Variants in USH2A observed in about 807,000 individuals in gnomAD.
USH2A encodes usherin, also known as Usher syndrome 2A (autosomal recessive, mild).
Under a neutral mutation model 538.9 loss-of-function variants are expected in USH2A, and 443 were observed. The observed-to-expected ratio is 0.82, with a 90% CI of 0.76 to 0.89. The LOEUF (loss-of-function observed/expected upper bound fraction) is 0.89. Among genes scored for constraint, USH2A ranks in the 40% least tolerant of loss-of-function variants. The pLI is 0.00. For missense variants in USH2A, 6,633 were observed against 6,324.8 expected (o/e 1.05, Z -1.65); for synonymous variants, 2,413 against 2,273.5 (o/e 1.06, Z -1.75).
chr1:215,724,721 C>T (rs899163246), intron 61 of USH2A, among the ~76,000 whole-genome samples: 3 of 152,096 alleles, frequency 2.0e-5, no homozygotes, highest in East Asian at 1.9e-4. Flanking sequence ...TGCCTCAGAA[C>T]GAATCACTCA....
intron 35 of USH2A, among the ~76,000 whole-genome samples, chr1:215,991,410 C>A (rs965405766): frequency 6.6e-6 from 1 of 151,818 alleles, no homozygotes; most frequent in Non-Finnish European, 1.5e-5. Flanking sequence ...CCTCTCTAGA[C>A]AATCAACAAG....
intron 11 of USH2A, among the ~76,000 whole-genome samples, chr1:216,267,176 C>A (rs574324238): frequency 6.6e-6 from 1 of 152,032 alleles, no homozygotes. Flanking sequence ...GGAGGAAAAC[C>A]CGGAGAATGT....
intron 20 of USH2A, among the ~76,000 whole-genome samples, chr1:216,186,682 C>T (rs572345475): frequency 6.6e-6 from 1 of 152,000 alleles, no homozygotes; most frequent in Non-Finnish European, 1.5e-5. Flanking sequence ...GCAATTTCTG[C>T]TCCTGGATGG....
chr1:216,261,218 C>A (rs757277570), intron 11 of USH2A, among the ~76,000 whole-genome samples: 10 of 151,730 alleles, frequency 6.6e-5, no homozygotes, highest in Non-Finnish European at 1.3e-4. Context: ...AATAAAATAT[C>A]TCTGTTATCC....
At chr1:216,073,899 G>C (rs909776503) in intron 27 of USH2A, among the ~76,000 whole-genome samples, 3 of 152,216 alleles carry the variant, frequency 2.0e-5, no homozygotes, top group Non-Finnish European at 2.9e-5. Flanking sequence ...GCCTACAGAA[G>C]AGCTGTCACT....
At chr1:215,655,722 AT>A (rs1657224342) in intron 64 of USH2A, among the ~76,000 whole-genome samples, 1 of 103,692 alleles carries the variant, frequency 9.6e-6, no homozygotes, top group African/African-American at 3.6e-5. Context: ...TGTGCTAGTT[AT>A]TCTTTTTTTT....
At chr1:216,370,905 C>T (rs1404835250) in intron 3 of USH2A, among the ~76,000 whole-genome samples, 1 of 152,116 alleles carries the variant, frequency 6.6e-6, no homozygotes, top group Non-Finnish European at 1.5e-5. Context: ...AGGTGACATC[C>T]CCTGTGTACT....
At chr1:215,682,461 T>C (rs948590628) in intron 61 of USH2A, among the ~76,000 whole-genome samples, 4 of 152,162 alleles carry the variant, frequency 2.6e-5, no homozygotes, top group Non-Finnish European at 1.5e-5. Context: ...ACATGAGTAC[T>C]TAATGATTAA....
intron 61 of USH2A, among the ~76,000 whole-genome samples, chr1:215,719,029 A>C (rs186772736): frequency 3.9e-5 from 6 of 152,366 alleles, no homozygotes; most frequent in Admixed American, 3.9e-4. Context: ...CAGGTCAAAC[A>C]GTCTCCCCAC....
At chr1:216,332,736 A>G (rs2037894720) in intron 4 of USH2A, among the ~76,000 whole-genome samples, 1 of 152,156 alleles carries the variant, frequency 6.6e-6, no homozygotes, top group Non-Finnish European at 1.5e-5. Context: ...TGAGCAAACA[A>G]TGACTTCATT....
At chr1:216,080,804 G>T (rs1022835871) in intron 26 of USH2A, among the ~76,000 whole-genome samples, 1 of 151,024 alleles carries the variant, frequency 6.6e-6, no homozygotes, top group Non-Finnish European at 1.5e-5. Context: ...CATGGTAATT[G>T]TTCATTTGTT....
intron 4 of USH2A, among the ~76,000 whole-genome samples, chr1:216,345,607 A>T (rs2038160073): frequency 6.6e-6 from 1 of 152,136 alleles, no homozygotes; most frequent in African/African-American, 2.4e-5. Context: ...ATTAATGTGA[A>T]AAAGGATTTG....
At chr1:216,259,153 C>T (rs540111809) in intron 11 of USH2A, among the ~76,000 whole-genome samples, 14 of 152,190 alleles carry the variant, frequency 9.2e-5, no homozygotes, top group African/African-American at 3.4e-4. Context: ...CACTTTCTTA[C>T]AAACTCCAAA....
At chr1:215,885,205 C>T (rs906999152) in intron 41 of USH2A, among the ~76,000 whole-genome samples, 3 of 150,584 alleles carry the variant, frequency 2.0e-5, no homozygotes, top group South Asian at 2.1e-4. Context: ...AATTGTATGC[C>T]TTTTTTTCTG....
At chr1:215,843,060 G>T (rs1166865426) in intron 46 of USH2A, among the ~76,000 whole-genome samples, 1 of 152,100 alleles carries the variant, frequency 6.6e-6, no homozygotes, top group Non-Finnish European at 1.5e-5. Flanking sequence ...TTCTTAGGAA[G>T]CTAGGTCTAT....
chr1:216,011,573 C>T (rs11120715), intron 32 of USH2A, among the ~76,000 whole-genome samples: 91,814 of 151,676 alleles, frequency 0.61, 28,214 homozygotes, highest in East Asian at 0.75. Flanking sequence ...AGAGCCAGGA[C>T]CACACCCTGT....
chr1:216,332,052 T>A (rs2037875528), intron 4 of USH2A, among the ~76,000 whole-genome samples: 1 of 152,134 alleles, frequency 6.6e-6, no homozygotes, highest in South Asian at 2.1e-4. Flanking sequence ...ATTCCCGTAC[T>A]CCTCTCTGCC....
chr1:216,037,580 G>T (rs769424886), intron 32 of USH2A, among the ~76,000 whole-genome samples: 81 of 152,066 alleles, frequency 5.3e-4, no homozygotes, highest in Non-Finnish European at 1.9e-4. Flanking sequence ...TCAGGATATT[G>T]ATTCCACCTG....
chr1:216,163,900 C>T (rs189894718), intron 21 of USH2A, among the ~76,000 whole-genome samples: 83 of 152,060 alleles, frequency 5.5e-4, no homozygotes, highest in African/African-American at 1.9e-3. Flanking sequence ...GGATCTTGAT[C>T]CCACAAGTCC....
Sources: allele counts gnomAD v4.1 joint callset (sites outside exome capture counted in the v4.1 genomes callset), GRCh38; gene constraint gnomAD v4.1.1; transcripts MANE v1.5; gene names NCBI Gene and HGNC (gene_info 2026-07-23, HGNC 2026-07-21).